The following ZNHIT6 variants were observed in gnomAD, a reference collection of about 807,000 sequenced individuals.
ZNHIT6 encodes zinc finger HIT-type containing 6, also known as box C/D snoRNA protein 1.
ZNHIT6 carries 45 observed loss-of-function variants against 57.2 expected under a neutral mutation model. That is an observed-to-expected ratio of 0.79 (90% CI 0.62 to 1.01). The LOEUF (loss-of-function observed/expected upper bound fraction) is 1.01, where lower values mean the gene tolerates loss of function less well. Ranked by LOEUF, ZNHIT6 falls within the 50% of genes least tolerant of loss-of-function variation. ZNHIT6 has a pLI of 0.00. For missense variants in ZNHIT6, 528 were observed against 567.3 expected, an observed-to-expected ratio of 0.93 and a Z score of 0.70; for synonymous variants, 188 against 190.0, an observed-to-expected ratio of 0.99 and a Z score of 0.09.
At chr1:85,705,016 C>T (rs1252476539) in intron 4 of ZNHIT6, among the ~76,000 whole-genome samples, 2 of 152,184 alleles carry the variant, frequency 1.3e-5, no homozygotes, top group Non-Finnish European at 1.5e-5. Context: ...CCCAATAATT[C>T]AAACAGTACA....
chr1:85,680,746 A>G, intron 6 of ZNHIT6, 90 bp downstream of exon 6: 1 of 949,432 alleles, frequency 1.1e-6, no homozygotes, highest in Admixed American at 2.3e-5. Flanking sequence ...TTAGTTATCC[A>G]TTCTACTACT....
At chr1:85,701,182 T>C (rs534285315) in intron 5 of ZNHIT6, among the ~76,000 whole-genome samples, 3 of 152,334 alleles carry the variant, frequency 2.0e-5, no homozygotes, top group South Asian at 2.1e-4. Context: ...TTTGAAAAGA[T>C]AGAAGCTTCA....
At chr1:85,674,698 G>C (rs1661654162) in intron 8 of ZNHIT6, among the ~76,000 whole-genome samples, 2 of 151,698 alleles carry the variant, frequency 1.3e-5, no homozygotes, top group South Asian at 4.2e-4. Context: ...TTCCTTTCTT[G>C]CCATGTGCCA....
At chr1:85,683,524 G>GAA (rs1200395551) in intron 5 of ZNHIT6, among the ~76,000 whole-genome samples, 1,312 of 124,274 alleles carry the variant, frequency 0.011, 51 homozygotes, top group Admixed American at 0.072. Context: ...TTCCGTCACA[G>GAA]AAAAAAAAAA....
chr1:85,675,717 T>A (rs1661681690), intron 8 of ZNHIT6, among the ~76,000 whole-genome samples: 2 of 152,216 alleles, frequency 1.3e-5, no homozygotes, highest in Non-Finnish European at 2.9e-5. Context: ...CTATTTTGTC[T>A]ACATTGAAAA....
In ZNHIT6 at chr1:85,667,961, A is replaced by AAAAAAAAAAAAAAAAAGTATATATAT; in HGVS notation, c.1247+9274_1247+9275insATATATATACTTTTTTTTTTTTTTTT. Among the ~76,000 whole-genome samples, 68 of 18,196 alleles carry AAAAAAAAAAAAAAAAAGTATATATAT rather than the reference A, an allele frequency of 3.7e-3. 8 individuals are homozygous for AAAAAAAAAAAAAAAAAGTATATATAT. Among genetic ancestry groups the AAAAAAAAAAAAAAAAAGTATATATAT allele is most frequent in the Non-Finnish European group, 5.0e-3 (51 of 10,100 alleles). 11.9% of individuals were successfully genotyped at this position (18,196 alleles called of 152,430 possible). A position where few individuals can be genotyped will look rare whatever the true frequency, so the allele number is the denominator to read the frequency against. On this transcript the variant is annotated intron_variant, in intron 8 of 9. Coordinates refer to ENST00000370574, the MANE Select transcript of ZNHIT6 (RefSeq NM_017953.4). ...ACTCTCTCTTTCAAAAAAAAAAAAA[A>AAAAAAAAAAAAAAAAAGTATATATAT]ATATATATATATATATATATATATG...
At chr1:85,686,349 AT>A (rs1662038374) in intron 5 of ZNHIT6, among the ~76,000 whole-genome samples, 2 of 152,098 alleles carry the variant, frequency 1.3e-5, no homozygotes, top group South Asian at 4.1e-4. Context: ...AAAAAAATAT[AT>A]ATTTCTCTTT....
intron 8 of ZNHIT6, among the ~76,000 whole-genome samples, chr1:85,673,668 T>C (rs1367249639): frequency 6.6e-6 from 1 of 152,226 alleles, no homozygotes; most frequent in Non-Finnish European, 1.5e-5. Context: ...TGGTTCTATT[T>C]AGAATGCTTA....
At chr1:85,679,575 T>TA (rs1661807116) in intron 6 of ZNHIT6, among the ~76,000 whole-genome samples, 1 of 149,550 alleles carries the variant, frequency 6.7e-6, no homozygotes, top group African/African-American at 2.5e-5. Context: ...TTTTTTTTTT[T>TA]TTTTTTAATT....
rs903110940 is a variant in ZNHIT6, at chr1:85,687,300, A to C, written c.1020-6396T>G. On this transcript the variant is annotated intron_variant, in intron 5 of 9. Coordinates refer to ENST00000370574, the MANE Select transcript of ZNHIT6 (RefSeq NM_017953.4). ...CTATCTCAAAAAACAAAAAAAAAAC[A>C]AAAAAAAAAAACAATTTAGAACCCA... Among the ~76,000 whole-genome samples the C allele has an allele frequency of 4.6e-5, 6 of 130,184 alleles. 2 individuals are homozygous for C. Among genetic ancestry groups the C allele is most frequent in the East Asian group, 5.2e-4 (2 of 3,882 alleles). 85.4% of individuals were successfully genotyped at this position (130,184 alleles called of 152,430 possible). A position where few individuals can be genotyped will look rare whatever the true frequency, so the allele number is the denominator to read the frequency against.
intron 5 of ZNHIT6, among the ~76,000 whole-genome samples, chr1:85,685,507 G>C (rs995629111): frequency 6.6e-6 from 1 of 151,858 alleles, no homozygotes; most frequent in African/African-American, 2.4e-5. Flanking sequence ...CATTATAAAA[G>C]GACTTGACTT....
intron 8 of ZNHIT6, among the ~76,000 whole-genome samples, chr1:85,664,776 A>T (rs1030024782): frequency 1.3e-4 from 19 of 146,526 alleles, no homozygotes; most frequent in Admixed American, 1.0e-3. Flanking sequence ...CCTAAAAGTT[A>T]AAAAAAAAAA....
chr1:85,655,730 A>G (rs1391575261), intron 9 of ZNHIT6, among the ~76,000 whole-genome samples: 1 of 152,188 alleles, frequency 6.6e-6, no homozygotes, highest in Non-Finnish European at 1.5e-5. Context: ...CTGGACTGAT[A>G]TAAGGTAGGT....
chr1:85,680,785 A>T lies in ZNHIT6; in HGVS notation c.1088+51T>A, dbSNP rs772676146. Reference sequence around the variant, plus strand: ...ATTAAGTTAACAGTTTATTTTAAATACACAGCCTTCAAATTAAAACAAATC... The same window carrying T: ...ATTAAGTTAACAGTTTATTTTAAATTCACAGCCTTCAAATTAAAACAAATC... On this transcript the variant is annotated intron_variant, in intron 6 of 9. Transcript: ENST00000370574. 4 of 1,380,356 alleles carry T rather than the reference A, an allele frequency of 2.9e-6. No individual in the cohort carries two copies. In the Admixed American group the frequency reaches 7.2e-5, roughly 25 times the overall value. 85.5% of individuals were successfully genotyped at this position (1,380,356 alleles called of 1,614,324 possible).
intron 1 of ZNHIT6, among the ~76,000 whole-genome samples, chr1:85,707,380 C>A (rs1662714326): frequency 6.6e-6 from 1 of 152,254 alleles, no homozygotes; most frequent in East Asian, 1.9e-4. Context: ...CCAGAATTTC[C>A]ACTTTCCTAA....
At chr1:85,684,707 T>C (rs1363609517) in intron 5 of ZNHIT6, among the ~76,000 whole-genome samples, 1 of 152,146 alleles carries the variant, frequency 6.6e-6, no homozygotes, top group Non-Finnish European at 1.5e-5. Flanking sequence ...GGCCCATTTG[T>C]TTACAAAAAT....
At chr1:85,693,738 AAAG>A (rs1306770151) in intron 5 of ZNHIT6, among the ~76,000 whole-genome samples, 2 of 152,246 alleles carry the variant, frequency 1.3e-5, no homozygotes, top group Non-Finnish European at 2.9e-5. Flanking sequence ...AATAGTGGCA[AAAG>A]AAGTGAGAAG....
chr1:85,688,540 C>T lies in ZNHIT6; in HGVS notation c.1020-7636G>A, dbSNP rs542067866. Among the ~76,000 whole-genome samples, 8 of 152,290 alleles carry T rather than the reference C, an allele frequency of 5.3e-5. No individual in the cohort carries two copies. The South Asian group carries it at 1.0e-3, about 20-fold the overall frequency. ...TAGTAGACATTTTGACTATTTACTT[C>T]GCAATCGTTCCCTACCTCTCACCAC... On this transcript the variant is annotated intron_variant, in intron 5 of 9. Transcript: ENST00000370574.
At position 85,652,421 on chromosome 1, in the gene ZNHIT6, T is replaced by C. The variant is rs986504341; in HGVS notation, c.*1637A>G. The C allele has an allele frequency of 3.0e-4, 46 of 152,344 alleles. No individual in the cohort carries two copies. Among genetic ancestry groups the C allele is most frequent in the African/African-American group, 1.1e-3 (46 of 41,586 alleles). 9.4% of individuals were successfully genotyped at this position (152,344 alleles called of 1,614,324 possible). ...GAACAACGTAATTCTACACAAATTC[T>C]TTATCATATATTAGAAGATTCCTGA... is the stretch of plus-strand genomic sequence containing the variant. On this transcript the variant is annotated 3_prime_UTR_variant, in exon 10 of 10. Transcript: ENST00000370574.
Sources: gnomAD v4.1 joint callset for allele counts (sites outside exome capture counted in the v4.1 genomes callset) on GRCh38, gnomAD v4.1.1 for gene constraint, MANE v1.5 for transcripts, NCBI Gene and HGNC (gene_info 2026-07-23, HGNC 2026-07-21) for gene names.